RPRD1B: variants seen among roughly 807,000 people sequenced by gnomAD.
RPRD1B encodes the protein regulation of nuclear pre-mRNA domain containing 1B.
RPRD1B carries 11 observed loss-of-function variants against 41.5 expected under a neutral mutation model. That is an observed-to-expected ratio of 0.27 (90% confidence interval 0.17 to 0.44). The LOEUF (loss-of-function observed/expected upper bound fraction) is 0.44. RPRD1B is among the 20% of genes least tolerant of loss of function. The pLI is 1.00. For synonymous variants in RPRD1B, 158 were observed against 155.6 expected (o/e 1.02, Z -0.12); for missense variants, 248 against 389.9 (o/e 0.64, Z 3.06).
rs114407097 is a variant in RPRD1B, at chr20:38,062,358, C to T, written c.655+2838C>T. ...ATGACTATAAATAAGAGTTTTTCTG[C>T]GAATGATTTCCTAATTTACATCTCT... On this transcript the variant is annotated intron_variant, in intron 5 of 6. Coordinates refer to ENST00000373433, the MANE Select transcript of RPRD1B (RefSeq NM_021215.4). 4.4e-3 allele frequency among the ~76,000 whole-genome samples: 671 copies of T among 152,220 alleles called. 5 individuals are homozygous for T. The highest frequency in any genetic ancestry group is 0.015 in the African/African-American group (639 of 41,526).
intron 3 of RPRD1B, among the ~76,000 whole-genome samples, chr20:38,052,031 A>G (rs6022647): frequency 0.27 from 41,777 of 152,136 alleles, 7,916 homozygotes; most frequent in African/African-American, 0.54. Context: ...GATTACAGGC[A>G]TGAGCCACCA....
chr20:38,044,189 G>A (rs1008301864), intron 2 of RPRD1B, among the ~76,000 whole-genome samples: 10 of 152,220 alleles, frequency 6.6e-5, no homozygotes, highest in African/African-American at 2.4e-4. Context: ...ATAAGCTTCC[G>A]AGTCCTCTCT....
chr20:38,059,312 C>A, intron 4 of RPRD1B, 82 bp from the exon 5 acceptor site: 1 of 1,398,252 alleles, frequency 7.2e-7, no homozygotes, highest in Non-Finnish European at 9.6e-7. Flanking sequence ...TTAGAATTTG[C>A]CTCCACCTCA....
chr20:38,088,192 C>T (rs2074579863), intron 6 of RPRD1B, among the ~76,000 whole-genome samples: 1 of 152,182 alleles, frequency 6.6e-6, no homozygotes, highest in Admixed American at 6.6e-5. Context: ...CCTCCTCTCA[C>T]TCCTTGCTTG....
chr20:38,079,536 T>TG (rs1479159893), intron 6 of RPRD1B, among the ~76,000 whole-genome samples: 6 of 152,210 alleles, frequency 3.9e-5, no homozygotes, highest in Admixed American at 3.9e-4. Context: ...TCATCCATGT[T>TG]GCTGCAGAGG....
At chr20:38,059,129 A>T (rs1437303648) in intron 4 of RPRD1B, among the ~76,000 whole-genome samples, 7 of 152,158 alleles carry the variant, frequency 4.6e-5, no homozygotes, top group Non-Finnish European at 1.0e-4. Flanking sequence ...TGCCAAAAAC[A>T]TGTTCTTTTA....
chr20:38,084,313 T>C (rs781042831), intron 6 of RPRD1B, among the ~76,000 whole-genome samples: 95 of 152,112 alleles, frequency 6.2e-4, no homozygotes, highest in Admixed American at 2.0e-3. Context: ...TGACTCTTAA[T>C]TGGGGGTAGC....
intron 1 of RPRD1B, among the ~76,000 whole-genome samples, chr20:38,036,921 C>T (rs902835342): frequency 2.0e-5 from 3 of 152,136 alleles, no homozygotes; most frequent in Non-Finnish European, 4.4e-5. Context: ...ACTTACTGGA[C>T]AGTGCAGAGT....
At chr20:38,086,471 A>G (rs551704456) in intron 6 of RPRD1B, among the ~76,000 whole-genome samples, 12 of 152,242 alleles carry the variant, frequency 7.9e-5, no homozygotes, top group South Asian at 2.1e-4. Flanking sequence ...CTTAGCCTAC[A>G]GATCTTTTCT....
intron 5 of RPRD1B, 197 bp from the exon 6 acceptor site, chr20:38,065,884 G>GT: frequency 2.0e-6 from 1 of 494,856 alleles, no homozygotes; most frequent in East Asian, 3.2e-5. Flanking sequence ...AGGTAATTGA[G>GT]TAGTGTCCTG....
intron 5 of RPRD1B, among the ~76,000 whole-genome samples, chr20:38,065,616 T>C (rs1439061824): frequency 6.6e-6 from 1 of 152,236 alleles, no homozygotes; most frequent in Non-Finnish European, 1.5e-5. Context: ...TTAATTGTTA[T>C]TTTTATTGGT....
intron 6 of RPRD1B, among the ~76,000 whole-genome samples, chr20:38,072,619 A>G (rs2074423365): frequency 6.6e-6 from 1 of 152,194 alleles, no homozygotes; most frequent in African/African-American, 2.4e-5. Context: ...CGATTTTAGC[A>G]GTCTTAAGTG....
At chr20:38,079,703 A>G (rs1199317042) in intron 6 of RPRD1B, among the ~76,000 whole-genome samples, 1 of 152,188 alleles carries the variant, frequency 6.6e-6, no homozygotes, top group Non-Finnish European at 1.5e-5. Context: ...ATGTGTCTTT[A>G]TGGTAGAATA....
intron 6 of RPRD1B, among the ~76,000 whole-genome samples, chr20:38,081,567 G>A (rs898914442): frequency 5.3e-5 from 8 of 152,182 alleles, no homozygotes; most frequent in African/African-American, 1.7e-4. Context: ...TGATTGCTCT[G>A]GCTAGGACTT....
At position 38,036,794 on chromosome 20, in the gene RPRD1B, A is replaced by G. The variant is rs191681941; in HGVS notation, c.151+2696A>G. Among the ~76,000 whole-genome samples, 8 of 152,358 alleles carry G rather than the reference A, an allele frequency of 5.3e-5. No homozygotes were observed. In the East Asian group the frequency reaches 1.5e-3, roughly 29 times the overall value. On this transcript the variant is annotated intron_variant, in intron 1 of 6. Transcript: ENST00000373433. ...CGCTTGGTATATGTGGCTATGGAGC[A>G]CTTAAAATGTGTGACTAAGGAACTA... is the stretch of plus-strand genomic sequence containing the variant.
intron 1 of RPRD1B, among the ~76,000 whole-genome samples, chr20:38,038,282 A>G (rs1259391572): frequency 6.6e-6 from 1 of 151,094 alleles, no homozygotes; most frequent in East Asian, 1.9e-4. Context: ...CATGTTTTTA[A>G]CTTGGGTTAC....
intron 6 of RPRD1B, chr20:38,070,565 T>C: frequency 1.0e-6 from 1 of 985,198 alleles, no homozygotes; most frequent in Non-Finnish European, 1.2e-6. Flanking sequence ...ATAGCGTGAG[T>C]GGGTTGGATA....
At chr20:38,053,946 G>A (rs1600404444) in intron 3 of RPRD1B, among the ~76,000 whole-genome samples, 1 of 152,094 alleles carries the variant, frequency 6.6e-6, no homozygotes, top group Non-Finnish European at 1.5e-5. Flanking sequence ...TTTGATATCC[G>A]TAGCGGTCCT....
intron 1 of RPRD1B, 33 bp downstream of exon 1, chr20:38,034,131 C>T: frequency 6.3e-7 from 1 of 1,597,470 alleles, no homozygotes; most frequent in South Asian, 1.1e-5. Flanking sequence ...CTGGACGGTC[C>T]CCGGATTGTC....
Sources: gnomAD v4.1 joint callset for allele counts (sites outside exome capture counted in the v4.1 genomes callset) on GRCh38, gnomAD v4.1.1 for gene constraint, MANE v1.5 for transcripts, NCBI Gene and HGNC (gene_info 2026-07-23, HGNC 2026-07-21) for gene names.